Variants in ASIC2 observed in about 807,000 individuals in gnomAD.
The protein encoded by ASIC2 is acid sensing ion channel subunit 2, also known as acid-sensing ion channel 2.
A neutral mutation model predicts 57.3 loss-of-function variants in ASIC2; 25 were observed. That is an observed-to-expected ratio of 0.44 (90% CI 0.32 to 0.61). ASIC2 has a LOEUF of 0.61. Ranked by LOEUF, ASIC2 falls within the 20% of genes least tolerant of loss-of-function variation. The probability of loss-of-function intolerance (pLI) is 0.06; values close to 1 mark genes in which losing one functional copy is unlikely to be tolerated. For missense variants in ASIC2, 641 were observed against 738.1 expected (o/e 0.87, Z 1.52); for synonymous variants, 319 against 307.5 (o/e 1.04, Z -0.39).
At chr17:34,064,122 AACTAT>A (rs1372144941) in intron 1 of ASIC2, among the ~76,000 whole-genome samples, 3 of 152,194 alleles carry the variant, frequency 2.0e-5, no homozygotes, top group Non-Finnish European at 4.4e-5. Context: ...CCTGATTTCA[AACTAT>A]ACTATAAGGC....
In ASIC2 at chr17:33,111,897, G is replaced by A. The variant is rs765622116; in HGVS notation, c.859+20C>T. 2.4e-5 allele frequency: 39 copies of A among 1,600,778 alleles called. No individual in the cohort carries two copies. Among genetic ancestry groups the A allele is most frequent in the Middle Eastern group, 1.7e-4 (1 of 5,856 alleles). ...AACCCTCCACCATCACCCAATGCCCGGTCCCTGTGCCCAGCTCACCTGTCT... is the reference window on the plus strand; with the variant it reads ...AACCCTCCACCATCACCCAATGCCCAGTCCCTGTGCCCAGCTCACCTGTCT... On this transcript the variant is annotated intron_variant, in intron 2 of 9. Transcript: ENST00000225823.
At chr17:34,082,675 C>T (rs559353629) in intron 1 of ASIC2, among the ~76,000 whole-genome samples, 2 of 152,352 alleles carry the variant, frequency 1.3e-5, no homozygotes, top group South Asian at 2.1e-4. Context: ...TGAACACTTG[C>T]TATGTGCTAG....
intron 1 of ASIC2, among the ~76,000 whole-genome samples, chr17:33,908,194 C>T (rs779026328): frequency 2.0e-5 from 3 of 152,206 alleles, no homozygotes; most frequent in Non-Finnish European, 4.4e-5. Context: ...CCCATGGTCA[C>T]GTTGAGTGGG....
At chr17:33,235,008 T>C (rs1254836159) in intron 1 of ASIC2, among the ~76,000 whole-genome samples, 1 of 152,226 alleles carries the variant, frequency 6.6e-6, no homozygotes, top group South Asian at 2.1e-4. Context: ...CTTCTCCTGC[T>C]TCCTTCGCTC....
intron 3 of ASIC2, among the ~76,000 whole-genome samples, chr17:33,080,198 A>C (rs2092107747): frequency 6.6e-6 from 1 of 152,094 alleles, no homozygotes; most frequent in Non-Finnish European, 1.5e-5. Context: ...GGGCCAAGGC[A>C]GAGTGGGCAG....
chr17:33,490,509 A>G (rs1248953638), intron 1 of ASIC2, among the ~76,000 whole-genome samples: 1 of 152,200 alleles, frequency 6.6e-6, no homozygotes, highest in Non-Finnish European at 1.5e-5. Flanking sequence ...AGATAATTGA[A>G]TCATGGGAGC....
chr17:33,420,292 T>C (rs1911001598), intron 1 of ASIC2, among the ~76,000 whole-genome samples: 1 of 152,138 alleles, frequency 6.6e-6, no homozygotes, highest in South Asian at 2.1e-4. Flanking sequence ...ACTGTCCAGA[T>C]GGAGAAAGAA....
chr17:33,376,751 T>C (rs1239060597), intron 1 of ASIC2, among the ~76,000 whole-genome samples: 1 of 152,194 alleles, frequency 6.6e-6, no homozygotes, highest in Non-Finnish European at 1.5e-5. Context: ...ATTATCCTTC[T>C]CCTCCTGCTC....
In ASIC2 at chr17:33,180,047, C is replaced by T. The variant is rs558494893; in HGVS notation, c.709-67980G>A. Among the ~76,000 whole-genome samples the T allele has an allele frequency of 5.6e-4, 85 of 152,280 alleles. No individual in the cohort carries two copies. In the South Asian group the frequency reaches 7.3e-3, roughly 13 times the overall value. ...CTCTACATAAACAGCAGAGCCATTC[C>T]CACTTTAAGAAACCTAACCTCCCCT... On this transcript the variant is annotated intron_variant, in intron 1 of 9. Transcript: ENST00000225823.
At chr17:33,737,380 A>G (rs1267956658) in intron 1 of ASIC2, among the ~76,000 whole-genome samples, 2 of 152,258 alleles carry the variant, frequency 1.3e-5, no homozygotes, top group African/African-American at 2.4e-5. Flanking sequence ...CCCTAAATAT[A>G]CATGTCTCTG....
intron 1 of ASIC2, among the ~76,000 whole-genome samples, chr17:33,337,004 C>T (rs1294950485): frequency 2.0e-5 from 3 of 152,100 alleles, no homozygotes; most frequent in East Asian, 3.9e-4. Flanking sequence ...GAAATATCTC[C>T]AGAGAATGTC....
chr17:33,622,005 T>G (rs1001342456), intron 1 of ASIC2, among the ~76,000 whole-genome samples: 27 of 152,200 alleles, frequency 1.8e-4, no homozygotes, highest in African/African-American at 6.5e-4. Context: ...TCTCAATAAA[T>G]GTTGACTGTT....
chr17:34,114,180 T>C lies in ASIC2; in HGVS notation c.555+41798A>G, dbSNP rs1435413782. ...CAAGAAGAAATTGGCAGTGCAGTTGTCCAAGCTGGCTGATCCTTCCTGCCT... is the reference window on the plus strand; with the variant it reads ...CAAGAAGAAATTGGCAGTGCAGTTGCCCAAGCTGGCTGATCCTTCCTGCCT... On this transcript the variant is annotated intron_variant, in intron 1 of 9. Coordinates refer to the ASIC2 transcript ENST00000359872. 3.3e-5 allele frequency among the ~76,000 whole-genome samples: 5 copies of C among 152,218 alleles called. No individual in the cohort carries two copies. The East Asian group carries it at 5.8e-4, about 18-fold the overall frequency.
chr17:33,813,900 G>A (rs1344851764), intron 1 of ASIC2, among the ~76,000 whole-genome samples: 1 of 152,292 alleles, frequency 6.6e-6, no homozygotes, highest in Non-Finnish European at 1.5e-5. Context: ...TTGGTTTCCT[G>A]AGGTTGAATG....
intron 1 of ASIC2, among the ~76,000 whole-genome samples, chr17:33,638,295 T>C (rs1347929109): frequency 1.3e-5 from 2 of 152,176 alleles, no homozygotes; most frequent in Non-Finnish European, 2.9e-5. Context: ...GCTAGTCTCA[T>C]CCTTGCTTTA....
At chr17:33,679,410 C>T (rs918783969) in intron 1 of ASIC2, among the ~76,000 whole-genome samples, 2 of 152,168 alleles carry the variant, frequency 1.3e-5, no homozygotes, top group Non-Finnish European at 2.9e-5. Flanking sequence ...CTTGTGCTTC[C>T]ATTATCTCAT....
intron 1 of ASIC2, among the ~76,000 whole-genome samples, chr17:33,687,950 C>A (rs1398599757): frequency 6.6e-6 from 1 of 152,134 alleles, no homozygotes; most frequent in Non-Finnish European, 1.5e-5. Flanking sequence ...GGACCGAAAC[C>A]ATTACATGCA....
Position 33,666,756 on chromosome 17 carries a change from C to G in ASIC2, c.555+489222G>C, listed in dbSNP as rs192140978. On this transcript the variant is annotated intron_variant, in intron 1 of 9. Coordinates refer to the ASIC2 transcript ENST00000359872. Reference sequence around the variant, plus strand: ...GAAACCATCCTATCTCTGCACTGGCCTGGAATGGACAGTGCTCCCCAGCAT... The same window carrying G: ...GAAACCATCCTATCTCTGCACTGGCGTGGAATGGACAGTGCTCCCCAGCAT... 9.2e-5 allele frequency among the ~76,000 whole-genome samples: 14 copies of G among 152,290 alleles called. No individual in the cohort carries two copies. The East Asian group carries it at 1.9e-3, about 21-fold the overall frequency.
chr17:33,165,507 G>T (rs533412571), intron 1 of ASIC2, among the ~76,000 whole-genome samples: 1 of 152,132 alleles, frequency 6.6e-6, no homozygotes, highest in South Asian at 2.1e-4. Flanking sequence ...ATATATTTGT[G>T]AATATACAGG....
Sources: allele counts gnomAD v4.1 joint callset (sites outside exome capture counted in the v4.1 genomes callset), GRCh38; gene constraint gnomAD v4.1.1; transcripts MANE v1.5; gene names NCBI Gene and HGNC (gene_info 2026-07-23, HGNC 2026-07-21).